PRKG1: variants seen among roughly 807,000 people sequenced by gnomAD.
PRKG1 encodes protein kinase cGMP-dependent 1.
PRKG1 carries 35 observed loss-of-function variants against 88.1 expected under a neutral mutation model. The observed-to-expected ratio is 0.40, with a 90% CI of 0.30 to 0.53. The LOEUF (loss-of-function observed/expected upper bound fraction) is 0.53. Ranked by LOEUF, PRKG1 falls within the 20% of genes least tolerant of loss-of-function variation. The pLI, the probability that PRKG1 is intolerant of heterozygous loss-of-function variation, is 0.59. For missense variants in PRKG1, 540 were observed against 839.8 expected, an observed-to-expected ratio of 0.64 and a Z score of 4.41; for synonymous variants, 303 against 292.5, an observed-to-expected ratio of 1.04 and a Z score of -0.37.
intron 2 of PRKG1, among the ~76,000 whole-genome samples, chr10:51,359,783 G>T (rs370106401): frequency 1.3e-5 from 2 of 151,834 alleles, no homozygotes; most frequent in Admixed American, 6.6e-5. Context: ...GGGGAGGAAT[G>T]AATACACCAA....
intron 5 of PRKG1, among the ~76,000 whole-genome samples, chr10:51,962,638 C>T (rs932564159): frequency 1.1e-4 from 17 of 151,992 alleles, no homozygotes; most frequent in African/African-American, 3.9e-4. Context: ...TTTTTCCTGA[C>T]TCTTTCCAGA....
At chr10:51,049,481 T>A (rs555906740) in intron 1 of PRKG1, among the ~76,000 whole-genome samples, 1 of 152,212 alleles carries the variant, frequency 6.6e-6, no homozygotes, top group Non-Finnish European at 1.5e-5. Context: ...TCTTTTTCAT[T>A]CCCCTGCTTT....
At chr10:52,011,063 C>G (rs1048198284) in intron 5 of PRKG1, among the ~76,000 whole-genome samples, 1 of 152,154 alleles carries the variant, frequency 6.6e-6, no homozygotes, top group Admixed American at 6.6e-5. Flanking sequence ...TAAGAAGCAG[C>G]CATTTAATTT....
chr10:51,268,416 A>T (rs1839893123), intron 2 of PRKG1, among the ~76,000 whole-genome samples: 2 of 152,070 alleles, frequency 1.3e-5, no homozygotes, highest in South Asian at 4.1e-4. Flanking sequence ...ACCATAAAAG[A>T]CGGCTGCCCC....
chr10:51,681,771 T>C (rs1192804562), intron 3 of PRKG1, among the ~76,000 whole-genome samples: 1 of 152,124 alleles, frequency 6.6e-6, no homozygotes, highest in African/African-American at 2.4e-5. Context: ...ACAAAGATAG[T>C]AGATGAGGAT....
chr10:51,859,588 C>T (rs1012671758), intron 4 of PRKG1, among the ~76,000 whole-genome samples: 1 of 151,942 alleles, frequency 6.6e-6, no homozygotes, highest in African/African-American at 2.4e-5. Flanking sequence ...ATATTACATG[C>T]CAAATTAACA....
chr10:52,111,025 G>A (rs927116499), intron 7 of PRKG1, among the ~76,000 whole-genome samples: 3 of 152,150 alleles, frequency 2.0e-5, no homozygotes, highest in African/African-American at 7.2e-5. Context: ...TTATCTCATT[G>A]AATCTTATCT....
intron 3 of PRKG1, among the ~76,000 whole-genome samples, chr10:51,784,330 C>T (rs1487325595): frequency 6.6e-6 from 1 of 152,002 alleles, no homozygotes. Context: ...TGCCTTTTTC[C>T]TCATGGTATT....
At chr10:51,581,628 G>A (rs1177932374) in intron 3 of PRKG1, among the ~76,000 whole-genome samples, 4 of 152,152 alleles carry the variant, frequency 2.6e-5, no homozygotes, top group Admixed American at 6.6e-5. Flanking sequence ...GGGGAAGCAC[G>A]TCACGCGCTG....
At chr10:51,447,259 T>C (rs1056049875) in intron 2 of PRKG1, among the ~76,000 whole-genome samples, 4 of 151,864 alleles carry the variant, frequency 2.6e-5, no homozygotes, top group Non-Finnish European at 5.9e-5. Flanking sequence ...ATACCAGGGA[T>C]TGCAAATCTA....
At chr10:51,697,960 C>T (rs1167055739) in intron 3 of PRKG1, 2 of 1,599,016 alleles carry the variant, frequency 1.3e-6, no homozygotes, top group Non-Finnish European at 8.5e-7. Flanking sequence ...GTATGCCTGC[C>T]CCCTGCATCC....
At chr10:51,909,457 A>T (rs1589412640) in intron 5 of PRKG1, 1 of 152,228 alleles carries the variant, frequency 6.6e-6, no homozygotes, top group African/African-American at 2.4e-5. Flanking sequence ...AACCAAAAAA[A>T]AAAGAGATAG....
chr10:51,157,554 G>A (rs1351664938), intron 2 of PRKG1, among the ~76,000 whole-genome samples: 1 of 151,708 alleles, frequency 6.6e-6, no homozygotes, highest in African/African-American at 2.4e-5. Context: ...AACAAACTTT[G>A]ACTTAGTGAT....
At chr10:52,282,820 T>C (rs1308860736) in intron 14 of PRKG1, among the ~76,000 whole-genome samples, 2 of 152,052 alleles carry the variant, frequency 1.3e-5, no homozygotes, top group Non-Finnish European at 2.9e-5. Context: ...CAAGGACCCA[T>C]ATTAAAAGAA....
At position 50,991,729 on chromosome 10, in the gene PRKG1, G is replaced by T. The variant is rs1348401975; in HGVS notation, c.266+85G>T. 1 of 1,052,718 alleles carries T rather than the reference G, an allele frequency of 9.5e-7. No homozygotes were observed. Among genetic ancestry groups the T allele is most frequent in the African/African-American group, 1.7e-5 (1 of 58,180 alleles). The allele number at this position is 1,052,718 out of a possible 1,614,324, so 65.2% of individuals were successfully genotyped here. ...GCTCTGGCCGCGGCGGCGGGGGCGG[G>T]TCGGCCCAGGGCGCCCCCTGCTCGC... is the stretch of plus-strand genomic sequence containing the variant. On this transcript the variant is annotated intron_variant, in intron 1 of 17. Transcript: ENST00000401604. This position sits in a 1 kb window ranked among gnomAD's most constrained non-coding sequence, Gnocchi z 4.5.
At chr10:51,662,223 T>C (rs1840317523) in intron 3 of PRKG1, among the ~76,000 whole-genome samples, 1 of 152,114 alleles carries the variant, frequency 6.6e-6, no homozygotes, top group Non-Finnish European at 1.5e-5. Context: ...ACCTAAAGTA[T>C]ACTTTTAAAA....
intron 4 of PRKG1, among the ~76,000 whole-genome samples, chr10:51,895,570 G>A (rs73333487): frequency 0.023 from 3,535 of 152,170 alleles, 142 homozygotes; most frequent in African/African-American, 0.081. Flanking sequence ...TGGCTGCACC[G>A]GGAACCAGAG....
At chr10:51,954,437 G>A (rs934171007) in intron 5 of PRKG1, among the ~76,000 whole-genome samples, 1 of 152,114 alleles carries the variant, frequency 6.6e-6, no homozygotes, top group Non-Finnish European at 1.5e-5. Flanking sequence ...AGAAATACAA[G>A]TGCTTTGAAA....
At chr10:52,257,436 A>G (rs1208752298) in intron 10 of PRKG1, among the ~76,000 whole-genome samples, 1 of 140,274 alleles carries the variant, frequency 7.1e-6, no homozygotes, top group African/African-American at 2.5e-5. Flanking sequence ...CTTAACTCCA[A>G]AGGGAAACCC....
Sources: allele counts gnomAD v4.1 joint callset (sites outside exome capture counted in the v4.1 genomes callset), GRCh38; gene constraint gnomAD v4.1.1; non-coding constraint Gnocchi (gnomAD v3.1); transcripts MANE v1.5; gene names NCBI Gene and HGNC (gene_info 2026-07-23, HGNC 2026-07-21).